The following FAM135B variants were observed in gnomAD, a reference collection of about 807,000 sequenced individuals.
The protein encoded by FAM135B is family with sequence similarity 135 member B.
A neutral mutation model predicts 127.7 loss-of-function variants in FAM135B; 43 were observed. The ratio of observed to expected loss-of-function variants is 0.34; its 90% CI spans 0.26 to 0.43. The LOEUF is 0.43. Among genes scored for constraint, FAM135B ranks in the 20% least tolerant of loss-of-function variants. The probability of loss-of-function intolerance (pLI) is 1.00; values close to 1 mark genes in which losing one functional copy is unlikely to be tolerated. For missense variants in FAM135B, 1,558 were observed against 1,725.6 expected (o/e 0.90, Z 1.72); for synonymous variants, 670 against 665.1 (o/e 1.01, Z -0.11).
chr8:138,464,853 C>T (rs955174018), intron 1 of FAM135B, among the ~76,000 whole-genome samples: 1 of 152,214 alleles, frequency 6.6e-6, no homozygotes, highest in Non-Finnish European at 1.5e-5. Context: ...TGGCCCTCTG[C>T]ACAACAGACA....
chr8:138,404,147 C>T (rs1833315716), intron 1 of FAM135B, among the ~76,000 whole-genome samples: 1 of 151,960 alleles, frequency 6.6e-6, no homozygotes, highest in African/African-American at 2.4e-5. Flanking sequence ...TAAATATTTG[C>T]TACTTAAATA....
chr8:138,133,785 C>G (rs764717784), intron 19 of FAM135B, among the ~76,000 whole-genome samples: 2 of 152,150 alleles, frequency 1.3e-5, no homozygotes, highest in Non-Finnish European at 2.9e-5. Flanking sequence ...CAGTTATCAG[C>G]AGGGGAGAGT....
At chr8:138,409,209 T>G (rs1833710345) in intron 1 of FAM135B, among the ~76,000 whole-genome samples, 1 of 152,086 alleles carries the variant, frequency 6.6e-6, no homozygotes, top group African/African-American at 2.4e-5. Context: ...ATTGGCCGAT[T>G]TTCAGTATTG....
At chr8:138,209,198 T>C (rs1290168274) in intron 7 of FAM135B, among the ~76,000 whole-genome samples, 1 of 152,120 alleles carries the variant, frequency 6.6e-6, no homozygotes, top group Non-Finnish European at 1.5e-5. Flanking sequence ...TGTCCTCACC[T>C]GGAGGAGAAT....
chr8:138,161,693 G>C (rs1024595787), intron 12 of FAM135B, among the ~76,000 whole-genome samples: 3 of 152,090 alleles, frequency 2.0e-5, no homozygotes, highest in Non-Finnish European at 4.4e-5. Context: ...GGAAATAACG[G>C]ATCTCTTCCT....
chr8:138,367,442 A>G, intron 2 of FAM135B: 1 of 456,908 alleles, frequency 2.2e-6, no homozygotes, highest in Non-Finnish European at 4.4e-6. Context: ...TACTTCAGTT[A>G]TATGAATTGA....
intron 12 of FAM135B, among the ~76,000 whole-genome samples, chr8:138,161,350 T>C (rs1819367012): frequency 6.6e-6 from 1 of 150,628 alleles, no homozygotes; most frequent in Admixed American, 6.6e-5. Context: ...TTCCCTTTCT[T>C]CTCTCTCCCT....
chr8:138,463,169 C>T (rs781748563), intron 1 of FAM135B, among the ~76,000 whole-genome samples: 4 of 152,184 alleles, frequency 2.6e-5, no homozygotes, highest in African/African-American at 4.8e-5. Flanking sequence ...CTTGCTTCAT[C>T]GGGTTCTGTT....
chr8:138,393,471 A>T (rs970160473), intron 1 of FAM135B, among the ~76,000 whole-genome samples: 3 of 151,166 alleles, frequency 2.0e-5, no homozygotes, highest in Admixed American at 6.6e-5. Flanking sequence ...AAAAAAAAAA[A>T]TTTAAGAGTA....
intron 1 of FAM135B, among the ~76,000 whole-genome samples, chr8:138,463,277 A>C (rs1837225361): frequency 6.6e-6 from 1 of 152,188 alleles, no homozygotes; most frequent in African/African-American, 2.4e-5. Context: ...GTAGCAAATA[A>C]TTATAATTCA....
chr8:138,425,900 G>A (rs1834813738), intron 1 of FAM135B, among the ~76,000 whole-genome samples: 1 of 148,836 alleles, frequency 6.7e-6, no homozygotes, highest in Non-Finnish European at 1.5e-5. Context: ...TGTAATCTCA[G>A]CACTTTGGGA....
intron 2 of FAM135B, among the ~76,000 whole-genome samples, chr8:138,314,503 G>A (rs1826923726): frequency 6.6e-6 from 1 of 151,844 alleles, no homozygotes; most frequent in African/African-American, 2.4e-5. Context: ...GACACACAGA[G>A]GGCAAACAAG....
chr8:138,375,160 T>C (rs558069049), intron 1 of FAM135B, among the ~76,000 whole-genome samples: 9 of 152,170 alleles, frequency 5.9e-5, no homozygotes, highest in Non-Finnish European at 1.2e-4. Flanking sequence ...ATGTAGCTGA[T>C]AGCTGAGCCA....
intron 3 of FAM135B, among the ~76,000 whole-genome samples, chr8:138,290,294 A>C (rs973123007): frequency 1.3e-5 from 2 of 152,160 alleles, no homozygotes; most frequent in African/African-American, 4.8e-5. Flanking sequence ...GAAGGCTGGG[A>C]GGGTGAGCTG....
intron 1 of FAM135B, among the ~76,000 whole-genome samples, chr8:138,493,243 C>T (rs1192706506): frequency 6.6e-6 from 1 of 152,142 alleles, no homozygotes; most frequent in Non-Finnish European, 1.5e-5. Context: ...TCTCTGCCAG[C>T]TCTCTCAGGT....
chr8:138,356,851 T>C (rs1830122371), intron 2 of FAM135B, among the ~76,000 whole-genome samples: 1 of 152,194 alleles, frequency 6.6e-6, no homozygotes, highest in African/African-American at 2.4e-5. Context: ...ACTTAAAAAG[T>C]GCAGATCCAT....
At chr8:138,455,269 T>A (rs771510802) in intron 1 of FAM135B, among the ~76,000 whole-genome samples, 2 of 152,330 alleles carry the variant, frequency 1.3e-5, no homozygotes, top group Non-Finnish European at 2.9e-5. Flanking sequence ...TCTTTCATCA[T>A]GGATAGGAGA....
chr8:138,470,017 A>G (rs564534004), intron 1 of FAM135B, among the ~76,000 whole-genome samples: 2 of 152,362 alleles, frequency 1.3e-5, no homozygotes, highest in East Asian at 1.9e-4. Flanking sequence ...AAGCAGACAC[A>G]TTCTCCTCGA....
At chr8:138,322,351 G>A (rs1398730710) in intron 2 of FAM135B, among the ~76,000 whole-genome samples, 1 of 152,076 alleles carries the variant, frequency 6.6e-6, no homozygotes, top group Non-Finnish European at 1.5e-5. Flanking sequence ...GCTTCCTCTG[G>A]TCTGGCTAGG....
Sources: allele counts gnomAD v4.1 joint callset (sites outside exome capture counted in the v4.1 genomes callset), GRCh38; gene constraint gnomAD v4.1.1; transcripts MANE v1.5; gene names NCBI Gene and HGNC (gene_info 2026-07-23, HGNC 2026-07-21).